Variants in ST13 observed in about 807,000 individuals in gnomAD.
ST13 encodes hsc70-interacting protein.
A neutral mutation model predicts 56.7 loss-of-function variants in ST13; 23 were observed. The ratio of observed to expected loss-of-function variants is 0.41; its 90% CI spans 0.29 to 0.57. ST13 has a LOEUF of 0.57. Among genes scored for constraint, ST13 ranks in the 20% least tolerant of loss-of-function variants. The pLI is 0.36. For missense variants in ST13, 369 were observed against 459.9 expected, an observed-to-expected ratio of 0.80 and a Z score of 1.81; for synonymous variants, 132 against 142.4, an observed-to-expected ratio of 0.93 and a Z score of 0.52.
intron 1 of ST13, among the ~76,000 whole-genome samples, chr22:40,854,790 T>C (rs2057880725): frequency 6.6e-6 from 1 of 152,202 alleles, no homozygotes; most frequent in Non-Finnish European, 1.5e-5. Context: ...TTCCTATAAT[T>C]AGGATAAAAG....
Position 40,824,811 on chromosome 22 carries a change from T to C in ST13, c.*1727A>G, listed in dbSNP as rs1835832393. ...TTATATGGTGAGTGTTTTTAAAGGA[T>C]TTAAAAAGCATGCTCCATCAGCATA... is the stretch of plus-strand genomic sequence containing the variant. On this transcript the variant is annotated 3_prime_UTR_variant, in exon 12 of 12. Coordinates refer to ENST00000216218, the MANE Select transcript of ST13 (RefSeq NM_003932.5). The C allele has an allele frequency of 1.3e-5, 2 of 152,232 alleles. No individual in the cohort carries two copies. 9.4% of individuals were successfully genotyped at this position (152,232 alleles called of 1,614,324 possible).
intron 7 of ST13, among the ~76,000 whole-genome samples, chr22:40,833,421 C>T (rs941614091): frequency 6.6e-6 from 1 of 151,564 alleles, no homozygotes; most frequent in Admixed American, 6.6e-5. Context: ...TACAAAAAAC[C>T]AGGCGCGGTG....
chr22:40,856,319 A>G, intron 1 of ST13, 112 bp downstream of exon 1: 1 of 920,934 alleles, frequency 1.1e-6, no homozygotes. Flanking sequence ...TTTCCCGGGC[A>G]AAGAAGGGGC....
chr22:40,855,424 C>T (rs2057885503), intron 1 of ST13, among the ~76,000 whole-genome samples: 1 of 152,200 alleles, frequency 6.6e-6, no homozygotes, highest in Non-Finnish European at 1.5e-5. Flanking sequence ...CTGGACAATA[C>T]AGCCAAACCC....
chr22:40,841,716 C>G (rs971569665), intron 4 of ST13, among the ~76,000 whole-genome samples: 2 of 152,134 alleles, frequency 1.3e-5, no homozygotes, highest in African/African-American at 4.8e-5. Flanking sequence ...AGCCTCCCCT[C>G]AAGTGTAGCT....
At chr22:40,845,379 A>C (rs2057825802) in intron 3 of ST13, among the ~76,000 whole-genome samples, 1 of 152,090 alleles carries the variant, frequency 6.6e-6, no homozygotes, top group Admixed American at 6.6e-5. Flanking sequence ...GGGGGGGCAC[A>C]GGATCTTACT....
chr22:40,854,412 A>T (rs2145754014), intron 1 of ST13: 1 of 152,386 alleles, frequency 6.6e-6, no homozygotes, highest in African/African-American at 2.4e-5. Flanking sequence ...CAGCCAACTC[A>T]GGATGGCTAA....
At chr22:40,834,240 G>T (rs368879535) in intron 7 of ST13, among the ~76,000 whole-genome samples, 1 of 152,098 alleles carries the variant, frequency 6.6e-6, no homozygotes, top group Non-Finnish European at 1.5e-5. Flanking sequence ...AGCCTAGATC[G>T]CACCACTGCA....
At chr22:40,839,247 G>A (rs921236027) in intron 5 of ST13, among the ~76,000 whole-genome samples, 3 of 152,020 alleles carry the variant, frequency 2.0e-5, no homozygotes, top group Admixed American at 6.6e-5. Flanking sequence ...ATACTAACTC[G>A]GAACATCAAT....
Position 40,825,821 on chromosome 22 carries a change from T to C in ST13, c.*717A>G, listed in dbSNP as rs1221702466. The C allele has an allele frequency of 1.3e-5, 2 of 152,436 alleles. No homozygotes were observed. The highest frequency in any genetic ancestry group is 2.4e-5 in the African/African-American group (1 of 41,438). The allele number at this position is 152,436 out of a possible 1,614,324, so 9.4% of individuals were successfully genotyped here. On this transcript the variant is annotated 3_prime_UTR_variant, in exon 12 of 12. Coordinates refer to ENST00000216218, the MANE Select transcript of ST13 (RefSeq NM_003932.5). The stretch of plus-strand genomic sequence containing the variant: ...GTGGAAATAATATGAAAAACACTTA[T>C]TAGATATACTGGACAACAAGAGAAC...
intron 3 of ST13, among the ~76,000 whole-genome samples, chr22:40,845,541 C>A (rs551244386): frequency 6.6e-6 from 1 of 152,160 alleles, no homozygotes; most frequent in African/African-American, 2.4e-5. Context: ...GATGCAGAAT[C>A]AAGTACCAAG....
intron 10 of ST13, among the ~76,000 whole-genome samples, chr22:40,829,296 C>T (rs1279870870): frequency 1.3e-5 from 2 of 152,172 alleles, no homozygotes; most frequent in Admixed American, 1.3e-4. Context: ...AAATTCCACA[C>T]TGTCGTAATC....
In ST13 at chr22:40,844,831, G is replaced by A. The variant is rs1573745; in HGVS notation, c.315+8C>T. The A allele has an allele frequency of 0.055, 88,430 of 1,610,100 alleles. 3,074 individuals carry two copies. Among genetic ancestry groups the A allele is most frequent in the East Asian group, 0.17 (7,569 of 44,768 alleles). ...AGAACAAGCAGGAAATCAAGTCACC[G>A]AACTTACCTCCGCATTTTCATCTCC... On this transcript the variant is annotated splice_region_variant and intron_variant, in intron 4 of 11. Transcript: ENST00000216218.
intron 7 of ST13, among the ~76,000 whole-genome samples, chr22:40,834,700 C>G (rs1392495124): frequency 6.6e-6 from 1 of 152,136 alleles, no homozygotes; most frequent in Non-Finnish European, 1.5e-5. Context: ...CTGAGACAAG[C>G]AAAGCACAAG....
intron 7 of ST13, among the ~76,000 whole-genome samples, chr22:40,834,920 C>T (rs534995282): frequency 6.6e-6 from 1 of 152,302 alleles, no homozygotes; most frequent in African/African-American, 2.4e-5. Context: ...AAAACATATC[C>T]ATCTTTATCT....
intron 1 of ST13, 56 bp downstream of exon 1, chr22:40,856,375 T>TC: frequency 2.0e-6 from 3 of 1,488,484 alleles, no homozygotes; most frequent in Non-Finnish European, 2.8e-6. Flanking sequence ...CCAGCCTGGC[T>TC]CCCCCCTGGG....
intron 3 of ST13, among the ~76,000 whole-genome samples, chr22:40,846,838 C>CA (rs2057833991): frequency 6.6e-6 from 1 of 151,724 alleles, no homozygotes; most frequent in African/African-American, 2.4e-5. Context: ...CCTGAAAATA[C>CA]AAAAAAATTA....
chr22:40,835,151 G>A (rs1281879686), intron 7 of ST13, among the ~76,000 whole-genome samples: 1 of 152,046 alleles, frequency 6.6e-6, no homozygotes, highest in Non-Finnish European at 1.5e-5. Flanking sequence ...ATAATACACT[G>A]GTAGTTCAAT....
intron 5 of ST13, among the ~76,000 whole-genome samples, chr22:40,838,771 G>A (rs2057788925): frequency 6.6e-6 from 1 of 152,068 alleles, no homozygotes; most frequent in African/African-American, 2.4e-5. Flanking sequence ...TTAAAATTTA[G>A]GTGGTAGGGA....
Sources: allele counts gnomAD v4.1 joint callset (sites outside exome capture counted in the v4.1 genomes callset), GRCh38; gene constraint gnomAD v4.1.1; transcripts MANE v1.5; gene names NCBI Gene and HGNC (gene_info 2026-07-23, HGNC 2026-07-21).